Variants in KDM5C observed in about 807,000 individuals in gnomAD.
The protein encoded by KDM5C is lysine demethylase 5C.
Under a neutral mutation model 110.6 loss-of-function variants are expected in KDM5C, and 16 were observed. That is an observed-to-expected ratio of 0.14 (90% confidence interval 0.10 to 0.22). The LOEUF (loss-of-function observed/expected upper bound fraction) is 0.22, where lower values mean the gene tolerates loss of function less well. Ranked by LOEUF, KDM5C falls within the 10% of genes least tolerant of loss-of-function variation. KDM5C has a pLI of 1.00. For missense variants in KDM5C, 681 were observed against 1,300.9 expected, an observed-to-expected ratio of 0.52 and a Z score of 7.33; for synonymous variants, 511 against 520.4, an observed-to-expected ratio of 0.98 and a Z score of 0.24.
At chrX:53,194,118 G>C (rs782303861) in intron 23 of KDM5C, 21 bp downstream of exon 23, 9 of 1,186,575 alleles carry the variant, frequency 7.6e-6, no homozygotes, top group Admixed American at 2.4e-5. Context: ...CTGAGGACAA[G>C]AGCTGGGCTG....
chrX:53,192,672 G>C lies in KDM5C; in HGVS notation c.*295C>G. On this transcript the variant is annotated 3_prime_UTR_variant, in exon 26 of 26. Coordinates refer to ENST00000375401, the MANE Select transcript of KDM5C (RefSeq NM_004187.5). The stretch of plus-strand genomic sequence containing the variant: ...TTGTCTCTGGAATGGTGATGGCCCA[G>C]CCCCAGCCACCCCCCTGCCCACCAG... The C allele has an allele frequency of 1.1e-5, 11 of 974,617 alleles. No homozygotes were observed. Among genetic ancestry groups the C allele is most frequent in the Non-Finnish European group, 1.4e-5 (10 of 703,060 alleles). 80.3% of individuals were successfully genotyped at this position (974,617 alleles called of 1,213,427 possible).
chrX:53,192,051 C>T (rs1556830991), downstream of KDM5C: 3 of 130,674 alleles, frequency 2.3e-5, no homozygotes, highest in African/African-American at 3.5e-5. Flanking sequence ...GAACCCAGAG[C>T]TCCCTGGCTT....
Position 53,194,643 on chromosome X carries a change from CGAT to C in KDM5C, c.3531_3533del (p.Ser1179del). On this transcript the variant is annotated inframe_deletion, in exon 23 of 26. Coordinates refer to ENST00000375401, the MANE Select transcript of KDM5C (RefSeq NM_004187.5). ...TAGAGGTTGTAGAGGAGGCCGTGCT[CGAT>C]GATGCCAGTGGACTGGGCTTGGCCG... The C allele has an allele frequency of 1.7e-6, 2 of 1,211,926 alleles. No individual in the cohort carries two copies. The highest frequency in any genetic ancestry group is 1.7e-5 in the African/African-American group (1 of 57,884).
intron 20 of KDM5C, chrX:53,195,621 T>A (rs1934783326): frequency 2.0e-6 from 1 of 490,487 alleles, no homozygotes; most frequent in Admixed American, 3.0e-5. Flanking sequence ...CAGCCTTCTG[T>A]TGTGGTTTGC....
chrX:53,220,085 C>T (rs1556853965), intron 2 of KDM5C, among the ~76,000 whole-genome samples: 1 of 111,785 alleles, frequency 8.9e-6, no homozygotes, highest in African/African-American at 3.3e-5. Context: ...GGGCCTAATG[C>T]CCCACCCCTT....
At chrX:53,207,374 C>T (rs1556846067) in intron 12 of KDM5C, among the ~76,000 whole-genome samples, 2 of 111,252 alleles carry the variant, frequency 1.8e-5, no homozygotes, top group Non-Finnish European at 3.8e-5. Context: ...TGAAAGCCAA[C>T]ATGCATTTTA....
chrX:53,194,805 T>A (rs1463277568), intron 22 of KDM5C, 67 bp from the exon 23 acceptor site: 5 of 1,191,174 alleles, frequency 4.2e-6, no homozygotes, highest in Middle Eastern at 5.4e-4. Context: ...GGGCCCCCCC[T>A]TAACACCCCC....
Position 53,197,062 on chromosome X carries a change from G to A in KDM5C, c.2623-18C>T, listed in dbSNP as rs1317562064. 2 of 1,145,624 alleles carry A rather than the reference G, an allele frequency of 1.7e-6. No homozygotes were observed. The highest frequency in any genetic ancestry group is 3.5e-5 in the African/African-American group (2 of 56,503). 94.4% of individuals were successfully genotyped at this position (1,145,624 alleles called of 1,213,427 possible). A position where few individuals can be genotyped will look rare whatever the true frequency, so the allele number is the denominator to read the frequency against. ...AGAACACCCTACCAGGACACAGGATGAAGAACAAACTCCTCAGCTGGGCCC... is the reference window on the plus strand; with the variant it reads ...AGAACACCCTACCAGGACACAGGATAAAGAACAAACTCCTCAGCTGGGCCC... On this transcript the variant is annotated intron_variant, in intron 18 of 25. Transcript: ENST00000375401.
chrX:53,220,275 C>T (rs1255517788), intron 2 of KDM5C, among the ~76,000 whole-genome samples: 1 of 111,701 alleles, frequency 9.0e-6, no homozygotes, highest in African/African-American at 3.3e-5. Context: ...TGAAAAGGGC[C>T]TGGACTTCCT....
downstream of KDM5C, chrX:53,191,429 G>A (rs1934412402): frequency 5.8e-6 from 1 of 173,880 alleles, no homozygotes; most frequent in Non-Finnish European, 1.1e-5. Flanking sequence ...TGATGAAAAT[G>A]TTCTGAAATT....
At chrX:53,186,783 T>C (rs1390582305), downstream of KDM5C, among the ~76,000 whole-genome samples, 1 of 112,623 alleles carries the variant, frequency 8.9e-6, no homozygotes, top group Non-Finnish European at 1.9e-5. Context: ...GTAGAACAAC[T>C]GCCTGGTCAC....
chrX:53,212,016 C>T, intron 8 of KDM5C, 110 bp from the exon 9 acceptor site: 1 of 948,886 alleles, frequency 1.1e-6, no homozygotes, highest in Non-Finnish European at 1.5e-6. Context: ...CCTAGGTCTG[C>T]ACTCAAGGCC....
Position 53,218,069 on chromosome X carries a change from C to A in KDM5C, c.352-103G>T. 5 of 943,514 alleles carry A rather than the reference C, an allele frequency of 5.3e-6. No individual in the cohort carries two copies. In the South Asian group the frequency reaches 1.0e-4, roughly 20 times the overall value. 77.8% of individuals were successfully genotyped at this position (943,514 alleles called of 1,213,427 possible). ...AAAGGGCAATGAGGGCAACTCTAGT[C>A]CCTCACTTCACTGGGGGCTATCCCC... On this transcript the variant is annotated intron_variant, in intron 3 of 25. Transcript: ENST00000375401.
chrX:53,192,602 G>A lies in KDM5C; in HGVS notation c.*365C>T. Reference sequence around the variant, plus strand: ...CATGGCCTGGCCAGGACCAGAACTGGGGAGAGAAGGGAGGAGAGTCCCCCA... The same window carrying A: ...CATGGCCTGGCCAGGACCAGAACTGAGGAGAGAAGGGAGGAGAGTCCCCCA... On this transcript the variant is annotated 3_prime_UTR_variant, in exon 26 of 26. Transcript: ENST00000375401. 1 of 606,478 alleles carries A rather than the reference G, an allele frequency of 1.6e-6. No individual in the cohort carries two copies. Among genetic ancestry groups the A allele is most frequent in the Non-Finnish European group, 2.6e-6 (1 of 381,702 alleles). The allele number at this position is 606,478 out of a possible 1,213,427, so 50.0% of individuals were successfully genotyped here. A position where few individuals can be genotyped will look rare whatever the true frequency, so the allele number is the denominator to read the frequency against.
At chrX:53,189,670 A>G (rs782161865), downstream of KDM5C, among the ~76,000 whole-genome samples, 2 of 112,554 alleles carry the variant, frequency 1.8e-5, no homozygotes, top group East Asian at 5.6e-4. Context: ...GGACTCTGCA[A>G]TGCAAAGGAA....
chrX:53,194,760 C>T (rs45587136), intron 22 of KDM5C, 22 bp from the exon 23 acceptor site: 4 of 1,206,820 alleles, frequency 3.3e-6, no homozygotes, highest in Non-Finnish European at 4.5e-6. Context: ...AGGACAGGAG[C>T]AAAGTGGGTC....
intron 25 of KDM5C, among the ~76,000 whole-genome samples, chrX:53,183,262 CAAAAAAAAA>C (rs3045214): frequency 7.4e-4 from 32 of 43,537 alleles, no homozygotes; most frequent in South Asian, 3.3e-3. Flanking sequence ...CCTGTCTCTA[CAAAAAAAAA>C]AAAAAAAAAA....
intron 1 of KDM5C, among the ~76,000 whole-genome samples, chrX:53,223,797 A>G (rs1213240920): frequency 9.0e-6 from 1 of 111,320 alleles, no homozygotes; most frequent in East Asian, 2.8e-4. Context: ...AGAGTGCCCT[A>G]TCCTCTGGGA....
downstream of KDM5C, among the ~76,000 whole-genome samples, chrX:53,190,460 G>C (rs1197613035): frequency 8.9e-6 from 1 of 112,534 alleles, no homozygotes; most frequent in African/African-American, 3.2e-5. Context: ...TTCCTCTCCT[G>C]TCTGGACACT....
Sources: allele counts gnomAD v4.1 joint callset (sites outside exome capture counted in the v4.1 genomes callset), GRCh38; gene constraint gnomAD v4.1.1; transcripts MANE v1.5; gene names NCBI Gene and HGNC (gene_info 2026-07-23, HGNC 2026-07-21).